DOCK5: variants seen among roughly 807,000 people sequenced by gnomAD.
DOCK5 encodes the protein dedicator of cytokinesis protein 5.
In DOCK5, 142 loss-of-function variants were observed where a neutral mutation model predicts 251.8. The ratio of observed to expected loss-of-function variants is 0.56; its 90% CI spans 0.49 to 0.65. DOCK5 has a LOEUF of 0.65. Ranked by LOEUF, DOCK5 falls within the 30% of genes least tolerant of loss-of-function variation. The pLI is 0.00. For synonymous variants in DOCK5, 842 were observed against 835.5 expected (o/e 1.01, Z -0.13); for missense variants, 2,111 against 2,312.3 (o/e 0.91, Z 1.79).
chr8:25,275,702 G>C lies in DOCK5; in HGVS notation c.224+261G>C, dbSNP rs569448609. On this transcript the variant is annotated intron_variant, in intron 4 of 51. Coordinates refer to ENST00000276440, the MANE Select transcript of DOCK5 (RefSeq NM_024940.8). The stretch of plus-strand genomic sequence containing the variant: ...AATACAAAAGTTAGCTGGGCTTGGT[G>C]GTGGGTGCCTGTAATCCCAGCTACT... Among the ~76,000 whole-genome samples the C allele has an allele frequency of 1.6e-3, 250 of 152,270 alleles. 2 individuals carry two copies. Among genetic ancestry groups the C allele is most frequent in the African/African-American group, 5.7e-3 (238 of 41,546 alleles).
At chr8:25,279,922 G>A (rs1586290010) in intron 5 of DOCK5, among the ~76,000 whole-genome samples, 1 of 151,954 alleles carries the variant, frequency 6.6e-6, no homozygotes, top group African/African-American at 2.4e-5. Context: ...ACCATGGCCG[G>A]CTAATTTTGT....
At chr8:25,275,936 C>T (rs1342068609) in intron 4 of DOCK5, among the ~76,000 whole-genome samples, 1 of 152,236 alleles carries the variant, frequency 6.6e-6, no homozygotes, top group Non-Finnish European at 1.5e-5. Flanking sequence ...ATTCCTTCCT[C>T]TGTCTTCTCT....
At chr8:25,279,880 C>T (rs1275161787) in intron 5 of DOCK5, among the ~76,000 whole-genome samples, 1 of 152,060 alleles carries the variant, frequency 6.6e-6, no homozygotes, top group African/African-American at 2.4e-5. Context: ...GTGTCTTGGC[C>T]TCCCAAAGTG....
At chr8:25,215,483 C>T (rs891588098) in intron 1 of DOCK5, among the ~76,000 whole-genome samples, 25 of 151,960 alleles carry the variant, frequency 1.6e-4, no homozygotes, top group Admixed American at 5.3e-4. Context: ...CATCAGAGGC[C>T]GAGTAAGGTC....
intron 47 of DOCK5, among the ~76,000 whole-genome samples, chr8:25,401,595 A>C (rs770819247): frequency 6.6e-6 from 1 of 152,134 alleles, no homozygotes; most frequent in South Asian, 2.1e-4. Context: ...TTAGCTGGGC[A>C]TGGCGTCAGG....
At position 25,342,404 on chromosome 8, in the gene DOCK5, G is replaced by C; in HGVS notation, c.2514G>C (p.Val838=). 6.3e-7 allele frequency: 1 copy of C among 1,587,052 alleles called. No homozygotes were observed. Among genetic ancestry groups the C allele is most frequent in the Non-Finnish European group, 8.6e-7 (1 of 1,164,638 alleles). ...AACCCTGAGGTTTCTCTCCCAGCGT[G>C]CTCTTCTGCAAATTCATTCAAAGCA... ...KLVFDPVELS[V]LFCKFIQSIP... Residue 838 remains valine (V), a synonymous_variant, in exon 25 of 52, where the codon GTG becomes GTC. Transcript: ENST00000276440.
At position 25,413,700 on chromosome 8, in the gene DOCK5, T is replaced by C. The variant is rs1801667541; in HGVS notation, c.*2402T>C. On this transcript the variant is annotated 3_prime_UTR_variant, in exon 52 of 52. Coordinates refer to ENST00000276440, the MANE Select transcript of DOCK5 (RefSeq NM_024940.8). Reference sequence around the variant, plus strand: ...AGGCTGGGAAGATAGGATACATCACTGTCTGGATACCTTCTCTTTTTAATA... The same window carrying C: ...AGGCTGGGAAGATAGGATACATCACCGTCTGGATACCTTCTCTTTTTAATA... 6.6e-6 allele frequency: 1 copy of C among 152,244 alleles called. No individual in the cohort carries two copies. Among genetic ancestry groups the C allele is most frequent in the South Asian group, 2.1e-4 (1 of 4,836 alleles). 9.4% of individuals were successfully genotyped at this position (152,244 alleles called of 1,614,324 possible).
chr8:25,396,689 C>T (rs1801350931), intron 45 of DOCK5, among the ~76,000 whole-genome samples: 1 of 151,962 alleles, frequency 6.6e-6, no homozygotes, highest in Non-Finnish European at 1.5e-5. Flanking sequence ...GTGGAGCCGC[C>T]TGGAGAGTGG....
At chr8:25,244,917 C>G (rs1803057863) in intron 2 of DOCK5, among the ~76,000 whole-genome samples, 1 of 152,172 alleles carries the variant, frequency 6.6e-6, no homozygotes, top group Non-Finnish European at 1.5e-5. Context: ...GAACTCTTCC[C>G]TTTTTCTTTC....
intron 42 of DOCK5, among the ~76,000 whole-genome samples, chr8:25,390,616 T>C (rs1301865616): frequency 6.6e-6 from 1 of 151,982 alleles, no homozygotes; most frequent in East Asian, 1.9e-4. Context: ...CAGAGGAAAA[T>C]CAGAAATTTC....
chr8:25,276,001 A>G (rs1297256376), intron 4 of DOCK5, among the ~76,000 whole-genome samples: 1 of 152,206 alleles, frequency 6.6e-6, no homozygotes, highest in Non-Finnish European at 1.5e-5. Context: ...ACACAGAAGT[A>G]GCAAAAACTG....
Position 25,324,088 on chromosome 8 carries a change from A to G in DOCK5, c.1719+137A>G, listed in dbSNP as rs576443513. 87 of 1,002,746 alleles carry G rather than the reference A, an allele frequency of 8.7e-5. 1 individual carries two copies. The South Asian group carries it at 1.5e-3, about 17-fold the overall frequency. 62.1% of individuals were successfully genotyped at this position (1,002,746 alleles called of 1,614,324 possible). On this transcript the variant is annotated intron_variant, in intron 17 of 51. Coordinates refer to ENST00000276440, the MANE Select transcript of DOCK5 (RefSeq NM_024940.8). ...CTTGCCCATTAACATCTAGAAACCC[A>G]GAGGGCTCTGGGCCCTCCAGCTTTG...
chr8:25,288,566 A>G (rs1026988962), intron 5 of DOCK5, among the ~76,000 whole-genome samples: 1 of 152,228 alleles, frequency 6.6e-6, no homozygotes, highest in African/African-American at 2.4e-5. Context: ...TGTGTCACAC[A>G]GAGGATCCCC....
chr8:25,414,909 C>CTTTTTTTTTTTTTTTTTTTTTTTTTTTTT lies in DOCK5; in HGVS notation c.*3624_*3625insTTTTTTTTTTTTTTTTTTTTTTTTTTTTT, dbSNP rs56338302. 1.0e-5 allele frequency: 1 copy of CTTTTTTTTTTTTTTTTTTTTTTTTTTTTT among 96,604 alleles called. No homozygotes were observed. Among genetic ancestry groups the CTTTTTTTTTTTTTTTTTTTTTTTTTTTTT allele is most frequent in the East Asian group, 3.5e-4 (1 of 2,858 alleles). 6.0% of individuals were successfully genotyped at this position (96,604 alleles called of 1,614,324 possible). A position where few individuals can be genotyped will look rare whatever the true frequency, so the allele number is the denominator to read the frequency against. On this transcript the variant is annotated 3_prime_UTR_variant, in exon 52 of 52. Coordinates refer to ENST00000276440, the MANE Select transcript of DOCK5 (RefSeq NM_024940.8). ...ATTTGTAGTCAGTCCCTGGGCCTGTCTTTTTTTTTTTTTAATTTTGAAGCT... is the reference window on the plus strand; with the variant it reads ...ATTTGTAGTCAGTCCCTGGGCCTGTCTTTTTTTTTTTTTTTTTTTTTTTTTTTTTTTTTTTTTTTTTTAATTTTGAAGCT...
intron 9 of DOCK5, 24 bp from the exon 10 acceptor site, chr8:25,302,301 C>G: frequency 6.3e-7 from 1 of 1,582,464 alleles, no homozygotes. Context: ...CCCACCTCCT[C>G]TCACACTTTC....
Position 25,342,434 on chromosome 8 carries a change from T to C in DOCK5, c.2544T>C (p.Pro848=). The C allele has an allele frequency of 1.9e-6, 3 of 1,600,652 alleles. No individual in the cohort carries two copies. Among genetic ancestry groups the C allele is most frequent in the South Asian group, 1.1e-5 (1 of 88,616 alleles). Residue 848 remains proline (P), a synonymous_variant, in exon 25 of 52, where the codon CCT becomes CCC. Transcript: ENST00000276440. Reference sequence around the variant, plus strand: ...TCTGCAAATTCATTCAAAGCATTCCTGACAACCAGCTGGTTCGGCAGAAAC... The same window carrying C: ...TCTGCAAATTCATTCAAAGCATTCCCGACAACCAGCTGGTTCGGCAGAAAC... The part of the protein sequence containing the change: ...VLFCKFIQSI[P]DNQLVRQKLN...
In DOCK5 at chr8:25,411,344, CCTGAGAACTGGCCTCCAGCCGGTGTCCT is replaced by C; in HGVS notation, c.*48_*75del. The C allele has an allele frequency of 7.2e-7, 1 of 1,389,556 alleles. No homozygotes were observed. Among genetic ancestry groups the C allele is most frequent in the African/African-American group, 1.5e-5 (1 of 65,918 alleles). 86.1% of individuals were successfully genotyped at this position (1,389,556 alleles called of 1,614,324 possible). On this transcript the variant is annotated 3_prime_UTR_variant, in exon 52 of 52. Transcript: ENST00000276440. ...CACCGAGTGCCTTAGACAGCTGCTGCCTGAGAACTGGCCTCCAGCCGGTGTCCTCATTCCATGGGGCTCCCTGCTGACT... is the reference window on the plus strand; with the variant it reads ...CACCGAGTGCCTTAGACAGCTGCTGCCATTCCATGGGGCTCCCTGCTGACT...
intron 49 of DOCK5, 101 bp downstream of exon 49, chr8:25,408,255 T>G: frequency 1.5e-6 from 2 of 1,326,942 alleles, no homozygotes; most frequent in Non-Finnish European, 2.0e-6. Context: ...AGCTGGGCTA[T>G]GGCTTGTTTC....
At chr8:25,386,247 G>T (rs1437153498) in intron 40 of DOCK5, among the ~76,000 whole-genome samples, 1 of 152,076 alleles carries the variant, frequency 6.6e-6, no homozygotes, top group East Asian at 1.9e-4. Flanking sequence ...AAATAACCGT[G>T]GTTGGGGATG....
Sources: allele counts gnomAD v4.1 joint callset (sites outside exome capture counted in the v4.1 genomes callset), GRCh38; gene constraint gnomAD v4.1.1; transcripts MANE v1.5; gene names NCBI Gene and HGNC (gene_info 2026-07-23, HGNC 2026-07-21).